Variants in ADAMTS19 observed in about 807,000 individuals in gnomAD.
ADAMTS19 encodes the protein A disintegrin and metalloproteinase with thrombospondin motifs 19.
Under a neutral mutation model 153.3 loss-of-function variants are expected in ADAMTS19, and 93 were observed. That is an observed-to-expected ratio of 0.61 (90% CI 0.51 to 0.72). The LOEUF is 0.72. ADAMTS19 is among the 30% of genes least tolerant of loss of function. The pLI, the probability that ADAMTS19 is intolerant of heterozygous loss-of-function variation, is 0.00. For synonymous variants in ADAMTS19, 600 were observed against 556.6 expected (o/e 1.08, Z -1.10); for missense variants, 1,482 against 1,552.1 (o/e 0.95, Z 0.76).
intron 2 of ADAMTS19, among the ~76,000 whole-genome samples, chr5:129,468,039 A>G (rs1749932768): frequency 6.6e-6 from 1 of 152,148 alleles, no homozygotes; most frequent in Admixed American, 6.5e-5. Context: ...GATTGCAAGG[A>G]TCTTTTGTAA....
At chr5:129,659,848 A>G (rs1435535265) in intron 15 of ADAMTS19, among the ~76,000 whole-genome samples, 1 of 152,136 alleles carries the variant, frequency 6.6e-6, no homozygotes, top group Non-Finnish European at 1.5e-5. Flanking sequence ...TTGGCATCCC[A>G]AAGTGCTGAG....
rs185717187 is a variant in ADAMTS19, at chr5:129,537,588, A to G, written c.1328+8911A>G. ...TGGCACATCTACACCATGGAATACTATGCAGCCATAAAAAATGTTGAGTTC... is the reference window on the plus strand; with the variant it reads ...TGGCACATCTACACCATGGAATACTGTGCAGCCATAAAAAATGTTGAGTTC... On this transcript the variant is annotated intron_variant, in intron 6 of 22. Coordinates refer to ENST00000274487, the MANE Select transcript of ADAMTS19 (RefSeq NM_133638.6). 3.3e-3 allele frequency among the ~76,000 whole-genome samples: 498 copies of G among 152,304 alleles called. 1 individual carries two copies. The highest frequency in any genetic ancestry group is 5.2e-3 in the Admixed American group (79 of 15,286).
intron 7 of ADAMTS19, among the ~76,000 whole-genome samples, chr5:129,571,041 C>G (rs968058466): frequency 4.0e-5 from 6 of 151,770 alleles, no homozygotes; most frequent in African/African-American, 1.4e-4. Context: ...CTCCATCCCT[C>G]TTAGGAAAAA....
Position 129,472,919 on chromosome 5 carries a change from G to A in ADAMTS19, c.747+11162G>A, listed in dbSNP as rs1041217720. Reference sequence around the variant, plus strand: ...CAACCATACTACCAAGTTCAGATGCGGATAAAGGAAGACCGAGGCACATTG... The same window carrying A: ...CAACCATACTACCAAGTTCAGATGCAGATAAAGGAAGACCGAGGCACATTG... On this transcript the variant is annotated intron_variant, in intron 2 of 22. Transcript: ENST00000274487. 2.6e-5 allele frequency among the ~76,000 whole-genome samples: 4 copies of A among 151,628 alleles called. No individual in the cohort carries two copies. The South Asian group carries it at 6.2e-4, about 24-fold the overall frequency.
intron 2 of ADAMTS19, among the ~76,000 whole-genome samples, chr5:129,505,855 G>C (rs913866704): frequency 6.6e-6 from 1 of 151,986 alleles, no homozygotes; most frequent in African/African-American, 2.4e-5. Context: ...GAAATGACTC[G>C]AGTTAAAATT....
chr5:129,658,432 A>T (rs560826056), intron 14 of ADAMTS19, among the ~76,000 whole-genome samples, 185 bp from the exon 15 acceptor site: 8 of 152,330 alleles, frequency 5.3e-5, no homozygotes, highest in Non-Finnish European at 1.2e-4. Context: ...AATTTTACAG[A>T]TTATGTTATT....
intron 6 of ADAMTS19, among the ~76,000 whole-genome samples, chr5:129,543,266 G>A (rs888444632): frequency 6.6e-6 from 1 of 151,722 alleles, no homozygotes; most frequent in African/African-American, 2.4e-5. Context: ...TGGTCAGGCT[G>A]GTCTCGAACT....
chr5:129,596,195 G>A (rs190499834), intron 7 of ADAMTS19, among the ~76,000 whole-genome samples: 2 of 151,906 alleles, frequency 1.3e-5, no homozygotes, highest in Admixed American at 6.6e-5. Context: ...CACAATAATT[G>A]AGTATATTTA....
chr5:129,492,275 A>G (rs1750793011), intron 2 of ADAMTS19, among the ~76,000 whole-genome samples: 1 of 152,174 alleles, frequency 6.6e-6, no homozygotes, highest in Non-Finnish European at 1.5e-5. Context: ...GGAGGGTACT[A>G]AACCATGCAC....
At chr5:129,627,770 T>C (rs371937353) in intron 10 of ADAMTS19, among the ~76,000 whole-genome samples, 313 of 152,188 alleles carry the variant, frequency 2.1e-3, no homozygotes, top group African/African-American at 7.1e-3. Flanking sequence ...AGAATGGCTA[T>C]TATTAGAAAA....
intron 3 of ADAMTS19, among the ~76,000 whole-genome samples, chr5:129,516,439 C>T (rs769354951): frequency 2.6e-5 from 4 of 151,470 alleles, no homozygotes; most frequent in Non-Finnish European, 5.9e-5. Context: ...CTGGACTTGA[C>T]TTTACGGGAA....
chr5:129,504,000 C>A (rs906069593), intron 2 of ADAMTS19, among the ~76,000 whole-genome samples: 2 of 152,130 alleles, frequency 1.3e-5, no homozygotes, highest in African/African-American at 4.8e-5. Flanking sequence ...CTCGGATGTA[C>A]TTTATATTGG....
chr5:129,522,332 C>CATTATATATATATAT (rs1751850140), intron 3 of ADAMTS19, among the ~76,000 whole-genome samples: 1 of 58,626 alleles, frequency 1.7e-5, no homozygotes, highest in African/African-American at 8.9e-5. Flanking sequence ...CACACACACA[C>CATTATATATATATAT]ATATATATAT....
chr5:129,536,579 T>G (rs536092435), intron 6 of ADAMTS19, among the ~76,000 whole-genome samples: 6 of 152,218 alleles, frequency 3.9e-5, no homozygotes, highest in Admixed American at 6.5e-5. Context: ...CCCAAAGGAC[T>G]GTAAATCATG....
chr5:129,560,111 G>A (rs1012608396), intron 7 of ADAMTS19, among the ~76,000 whole-genome samples: 5 of 152,074 alleles, frequency 3.3e-5, no homozygotes, highest in Admixed American at 2.0e-4. Context: ...CAGGATTCTG[G>A]ATACCTATTT....
intron 15 of ADAMTS19, among the ~76,000 whole-genome samples, chr5:129,664,422 T>A (rs1447055940): frequency 6.6e-6 from 1 of 152,188 alleles, no homozygotes; most frequent in Non-Finnish European, 1.5e-5. Context: ...ATGTTTAGTG[T>A]TACTGAGAAT....
At chr5:129,701,905 C>T (rs1755879891) in intron 20 of ADAMTS19, among the ~76,000 whole-genome samples, 3 of 152,162 alleles carry the variant, frequency 2.0e-5, no homozygotes, top group African/African-American at 7.2e-5. Context: ...ACTTAACTCA[C>T]TGCATATCCC....
intron 21 of ADAMTS19, among the ~76,000 whole-genome samples, chr5:129,729,032 A>G (rs1757326521): frequency 6.6e-6 from 1 of 152,120 alleles, no homozygotes; most frequent in Admixed American, 6.6e-5. Context: ...ACCACTTAGA[A>G]ATTTTCACCA....
intron 21 of ADAMTS19, among the ~76,000 whole-genome samples, chr5:129,707,305 G>T (rs142611655): frequency 2.5e-3 from 373 of 152,212 alleles, no homozygotes; most frequent in African/African-American, 8.5e-3. Context: ...TTGCTTGTTG[G>T]CCTGTTTGTT....
Sources: allele counts gnomAD v4.1 joint callset (sites outside exome capture counted in the v4.1 genomes callset), GRCh38; gene constraint gnomAD v4.1.1; transcripts MANE v1.5; gene names NCBI Gene and HGNC (gene_info 2026-07-23, HGNC 2026-07-21).